Variants in GABRB1 observed in about 807,000 individuals in gnomAD.
GABRB1 encodes the protein gamma-aminobutyric acid type A receptor subunit beta1.
GABRB1 carries 17 observed loss-of-function variants against 51.6 expected under a neutral mutation model. The ratio of observed to expected loss-of-function variants is 0.33; its 90% CI spans 0.23 to 0.49. GABRB1 has a LOEUF of 0.49. GABRB1 is among the 20% of genes least tolerant of loss of function. The probability of loss-of-function intolerance (pLI) is 0.99; values close to 1 mark genes in which losing one functional copy is unlikely to be tolerated. For missense variants in GABRB1, 410 were observed against 600.6 expected, an observed-to-expected ratio of 0.68 and a Z score of 3.32; for synonymous variants, 247 against 218.9, an observed-to-expected ratio of 1.13 and a Z score of -1.14.
rs191914588 is a variant in GABRB1 at position 47,183,132 on chromosome 4, A to G, written c.461+21663A>G. Among the ~76,000 whole-genome samples the G allele has an allele frequency of 6.6e-5, 10 of 151,652 alleles. No individual in the cohort carries two copies. The East Asian group carries it at 1.9e-3, about 30-fold the overall frequency. ...GTAGGGTGTTTCGTTTAAGGAGAAA[A>G]ACACATGATGAGATATTAAAGAGTG... On this transcript the variant is annotated intron_variant, in intron 4 of 8. Coordinates refer to ENST00000295454, the MANE Select transcript of GABRB1 (RefSeq NM_000812.4).
At chr4:47,019,625 C>CTCTCTCTCTCTT (rs1274221477) in intron 1 of GABRB1, among the ~76,000 whole-genome samples, 5,727 of 90,934 alleles carry the variant, frequency 0.063, 222 homozygotes, top group Non-Finnish European at 0.077. Flanking sequence ...TTCTTTCTCT[C>CTCTCTCTCTCTT]TCTTTCTTTC....
At position 47,403,337 on chromosome 4, in the gene GABRB1, C is replaced by T. The variant is rs755205746; in HGVS notation, c.564C>T (p.Asp188=). Residue 188 remains aspartate, a synonymous_variant, in exon 6 of 9, where the codon GAC becomes GAT. Coordinates refer to ENST00000295454, the MANE Select transcript of GABRB1 (RefSeq NM_000812.4). The stretch of plus-strand genomic sequence containing the variant: ...TTTCAGATGGCTATACCACTGATGA[C>T]ATTGAATTTTACTGGAATGGAGGAG... ...EIESYGYTTD[D]IEFYWNGGEG... 15 of 1,613,840 alleles carry T rather than the reference C, an allele frequency of 9.3e-6. No individual in the cohort carries two copies. The highest frequency in any genetic ancestry group is 1.3e-5 in the African/African-American group (1 of 74,904).
At chr4:47,343,197 G>A (rs1725968370) in intron 5 of GABRB1, among the ~76,000 whole-genome samples, 1 of 152,020 alleles carries the variant, frequency 6.6e-6, no homozygotes, top group South Asian at 2.1e-4. Context: ...ACCCGAGACA[G>A]GGTTAGAGAA....
chr4:47,378,948 C>T (rs1456525989), intron 5 of GABRB1, among the ~76,000 whole-genome samples: 5 of 152,178 alleles, frequency 3.3e-5, no homozygotes, highest in African/African-American at 1.2e-4. Flanking sequence ...TTTTTCTCTC[C>T]GTCACACCAG....
At chr4:47,297,669 T>C (rs1321580765) in intron 4 of GABRB1, among the ~76,000 whole-genome samples, 1 of 152,190 alleles carries the variant, frequency 6.6e-6, no homozygotes, top group Non-Finnish European at 1.5e-5. Flanking sequence ...AGCCAAATTC[T>C]GCCAAAGGTA....
intron 3 of GABRB1, among the ~76,000 whole-genome samples, chr4:47,072,735 T>C (rs1179381442): frequency 1.3e-5 from 2 of 152,194 alleles, no homozygotes. Flanking sequence ...TGACAAAATA[T>C]AGATGAATTT....
At chr4:47,238,083 T>C (rs1162724166) in intron 4 of GABRB1, among the ~76,000 whole-genome samples, 1 of 151,962 alleles carries the variant, frequency 6.6e-6, no homozygotes, top group Non-Finnish European at 1.5e-5. Flanking sequence ...ATTTAAATGA[T>C]GCAGAAGAGA....
At chr4:47,252,507 C>CTT (rs34442754) in intron 4 of GABRB1, among the ~76,000 whole-genome samples, 73,447 of 116,150 alleles carry the variant, frequency 0.63, 24,633 homozygotes, top group South Asian at 0.8. Context: ...TAGCAATTGC[C>CTT]TTTTTTTTTT....
intron 4 of GABRB1, among the ~76,000 whole-genome samples, chr4:47,187,884 G>A (rs780825937): frequency 1.2e-4 from 18 of 151,786 alleles, no homozygotes; most frequent in Non-Finnish European, 2.2e-4. Flanking sequence ...CCCTTTACCC[G>A]GAAGGCTCTT....
chr4:47,239,635 T>C (rs1255612366), intron 4 of GABRB1, among the ~76,000 whole-genome samples: 1 of 152,244 alleles, frequency 6.6e-6, no homozygotes, highest in African/African-American at 2.4e-5. Flanking sequence ...AAATTGTAAC[T>C]TCAAATTTTC....
At chr4:47,058,460 G>T (rs573176204) in intron 3 of GABRB1, among the ~76,000 whole-genome samples, 1 of 152,318 alleles carries the variant, frequency 6.6e-6, no homozygotes, top group East Asian at 1.9e-4. Flanking sequence ...CATGCAGAAA[G>T]CCTTGAACAA....
chr4:47,398,131 T>C (rs1728242051), intron 5 of GABRB1, among the ~76,000 whole-genome samples: 2 of 152,214 alleles, frequency 1.3e-5, no homozygotes, highest in Non-Finnish European at 1.5e-5. Context: ...TATTACTGGA[T>C]AATTTTGTCT....
intron 3 of GABRB1, among the ~76,000 whole-genome samples, chr4:47,034,644 G>A (rs1331382347): frequency 6.6e-6 from 1 of 151,990 alleles, no homozygotes; most frequent in Non-Finnish European, 1.5e-5. Flanking sequence ...CTTTTAATGA[G>A]CACTATCAAC....
chr4:47,004,666 C>T lies in GABRB1; in HGVS notation c.-20+10740C>T, dbSNP rs1028290082. Among the ~76,000 whole-genome samples, 4 of 152,156 alleles carry T rather than the reference C, an allele frequency of 2.6e-5. No homozygotes were observed. The South Asian group carries it at 8.3e-4, about 32-fold the overall frequency. On this transcript the variant is annotated intron_variant, in intron 1 of 3. Coordinates refer to the GABRB1 transcript ENST00000513567. ...TGACTGCCTATTCCAACTATTGGTG[C>T]GGCCAGACACTTGATTTAAAAAACA...
intron 5 of GABRB1, among the ~76,000 whole-genome samples, chr4:47,346,563 T>C (rs1726101652): frequency 6.6e-6 from 1 of 152,190 alleles, no homozygotes; most frequent in Non-Finnish European, 1.5e-5. Flanking sequence ...TGTGCCAACA[T>C]CATTGCTGAT....
At chr4:47,093,709 T>C (rs1014845279) in intron 3 of GABRB1, among the ~76,000 whole-genome samples, 5 of 152,296 alleles carry the variant, frequency 3.3e-5, no homozygotes, top group Admixed American at 6.5e-5. Flanking sequence ...GAAAAGTAAT[T>C]TGTACCTATT....
intron 5 of GABRB1, among the ~76,000 whole-genome samples, chr4:47,355,790 C>T (rs1726545634): frequency 6.6e-6 from 1 of 152,154 alleles, no homozygotes; most frequent in African/African-American, 2.4e-5. Flanking sequence ...TTGATCTAGT[C>T]ATTTGGTTCA....
chr4:47,037,860 AC>A (rs1355300190), intron 3 of GABRB1, among the ~76,000 whole-genome samples: 1 of 152,114 alleles, frequency 6.6e-6, no homozygotes, highest in African/African-American at 2.4e-5. Flanking sequence ...TAGGTTAAAT[AC>A]CTTACTCAGA....
chr4:47,069,312 T>C (rs1174051490), intron 3 of GABRB1, among the ~76,000 whole-genome samples: 1 of 152,240 alleles, frequency 6.6e-6, no homozygotes, highest in Non-Finnish European at 1.5e-5. Flanking sequence ...TACTTTCTAG[T>C]TGAGACTTTT....
Sources: gnomAD v4.1 joint callset for allele counts (sites outside exome capture counted in the v4.1 genomes callset) on GRCh38, gnomAD v4.1.1 for gene constraint, MANE v1.5 for transcripts, NCBI Gene and HGNC (gene_info 2026-07-23, HGNC 2026-07-21) for gene names.